The following PPP2R2B variants were observed in gnomAD, a reference collection of about 807,000 sequenced individuals.
PPP2R2B encodes serine/threonine-protein phosphatase 2A 55 kDa regulatory subunit B beta isoform.
PPP2R2B carries 5 observed loss-of-function variants against 46.0 expected under a neutral mutation model. The observed-to-expected ratio is 0.11, with a 90% CI of 0.06 to 0.23. The LOEUF (loss-of-function observed/expected upper bound fraction) is 0.23. PPP2R2B is among the 10% of genes least tolerant of loss of function. PPP2R2B has a pLI of 1.00. For synonymous variants in PPP2R2B, 215 were observed against 206.7 expected (o/e 1.04, Z -0.34); for missense variants, 367 against 575.0 (o/e 0.64, Z 3.70).
chr5:147,015,019 A>T (rs185951852), intron 1 of PPP2R2B, among the ~76,000 whole-genome samples: 58 of 152,254 alleles, frequency 3.8e-4, no homozygotes, highest in African/African-American at 1.3e-3. Flanking sequence ...TCTTGTTCCA[A>T]GGATTTTGGA....
chr5:147,016,177 T>A (rs1561578495), intron 1 of PPP2R2B, among the ~76,000 whole-genome samples: 1 of 151,404 alleles, frequency 6.6e-6, no homozygotes, highest in South Asian at 2.1e-4. Flanking sequence ...TCTACAAAAT[T>A]TTTTTAGAAG....
At chr5:146,736,630 C>T (rs946995243) in intron 2 of PPP2R2B, among the ~76,000 whole-genome samples, 1 of 152,174 alleles carries the variant, frequency 6.6e-6, no homozygotes, top group Admixed American at 6.5e-5. Flanking sequence ...CTTCCCAGCC[C>T]CCAGCACCAC....
Position 146,589,732 on chromosome 5 carries a change from C to G in PPP2R2B, c.*215G>C, listed in dbSNP as rs572004353. The G allele has an allele frequency of 6.7e-5, 36 of 539,344 alleles. No individual in the cohort carries two copies. The highest frequency in any genetic ancestry group is 3.4e-5 in the Admixed American group (1 of 29,566). 33.4% of individuals were successfully genotyped at this position (539,344 alleles called of 1,614,324 possible). On this transcript the variant is annotated 3_prime_UTR_variant, in exon 10 of 10. Transcript: ENST00000394411. ...AGAATTACTGTTAGCTGGCAGCTTTCAATTCTAAACAGAAGTGTCCCAAAC... is the reference window on the plus strand; with the variant it reads ...AGAATTACTGTTAGCTGGCAGCTTTGAATTCTAAACAGAAGTGTCCCAAAC...
At chr5:146,982,927 AAGTG>A (rs1245167779) in intron 1 of PPP2R2B, among the ~76,000 whole-genome samples, 3 of 152,002 alleles carry the variant, frequency 2.0e-5, no homozygotes, top group Admixed American at 2.0e-4. Context: ...CTTATATTTG[AAGTG>A]AGTTTCTTAT....
At chr5:146,969,500 G>A (rs2151847323) in intron 1 of PPP2R2B, among the ~76,000 whole-genome samples, 1 of 152,256 alleles carries the variant, frequency 6.6e-6, no homozygotes, top group South Asian at 2.1e-4. Flanking sequence ...TATAAGTGAG[G>A]GCACCCTGAT....
chr5:146,886,307 C>A (rs1762323132), intron 1 of PPP2R2B, among the ~76,000 whole-genome samples: 1 of 142,780 alleles, frequency 7.0e-6, no homozygotes, highest in East Asian at 2.1e-4. Flanking sequence ...CCACAGCACT[C>A]CAGCCCAGGC....
intron 1 of PPP2R2B, among the ~76,000 whole-genome samples, chr5:147,024,153 CTCTATCTATCTATCTATCTA>C (rs57080635): frequency 6.9e-6 from 1 of 145,542 alleles, no homozygotes; most frequent in East Asian, 2.0e-4. Context: ...AAATCCCCTC[CTCTATCTATCTATCTATCTA>C]TCTATCTATC....
At chr5:146,670,733 C>T (rs536637697) in intron 5 of PPP2R2B, among the ~76,000 whole-genome samples, 3 of 151,992 alleles carry the variant, frequency 2.0e-5, no homozygotes, top group South Asian at 2.1e-4. Flanking sequence ...TGACTTCAAG[C>T]GATCCGCATG....
intron 2 of PPP2R2B, among the ~76,000 whole-genome samples, chr5:147,074,487 A>G (rs917078705): frequency 2.0e-5 from 3 of 152,198 alleles, no homozygotes; most frequent in African/African-American, 7.2e-5. Context: ...AAACATCTAA[A>G]CATCTAAGAA....
At chr5:146,597,968 G>GTC (rs929208644) in intron 8 of PPP2R2B, among the ~76,000 whole-genome samples, 2 of 152,054 alleles carry the variant, frequency 1.3e-5, no homozygotes, top group Admixed American at 6.5e-5. Flanking sequence ...CTCTCTAATG[G>GTC]TCTCTCTCTC....
intron 1 of PPP2R2B, among the ~76,000 whole-genome samples, chr5:147,003,411 A>T (rs1754281300): frequency 6.6e-6 from 1 of 152,146 alleles, no homozygotes; most frequent in South Asian, 2.1e-4. Flanking sequence ...TTTAAAGCAG[A>T]TCAAGGCAGA....
intron 9 of PPP2R2B, among the ~76,000 whole-genome samples, chr5:146,591,288 AG>A: frequency 6.6e-6 from 1 of 152,302 alleles, no homozygotes; most frequent in East Asian, 1.9e-4. Context: ...GGCCACAGCA[AG>A]GGGGATGTGT....
At chr5:146,866,629 C>T (rs1221036588) in intron 2 of PPP2R2B, among the ~76,000 whole-genome samples, 1 of 151,476 alleles carries the variant, frequency 6.6e-6, no homozygotes, top group Admixed American at 6.6e-5. Context: ...CAGATACATA[C>T]ATATATATAC....
intron 4 of PPP2R2B, among the ~76,000 whole-genome samples, chr5:146,692,812 G>A (rs144789294): frequency 0.018 from 2,675 of 152,230 alleles, 41 homozygotes; most frequent in Non-Finnish European, 0.024. Flanking sequence ...GGGATTACAG[G>A]CGGGAGCCAC....
At chr5:146,771,882 T>C (rs1227428484) in intron 2 of PPP2R2B, among the ~76,000 whole-genome samples, 1 of 152,140 alleles carries the variant, frequency 6.6e-6, no homozygotes, top group Admixed American at 6.5e-5. Flanking sequence ...TCTTTTCACT[T>C]GCAGGAGAAG....
At chr5:147,061,862 A>G (rs916982105) in intron 2 of PPP2R2B, among the ~76,000 whole-genome samples, 4 of 152,358 alleles carry the variant, frequency 2.6e-5, no homozygotes, top group African/African-American at 7.2e-5. Context: ...ACCAAATTTT[A>G]TATAGTAACT....
chr5:146,674,002 G>A (rs548290863), intron 5 of PPP2R2B, among the ~76,000 whole-genome samples: 18 of 152,216 alleles, frequency 1.2e-4, no homozygotes, highest in South Asian at 6.2e-4. Context: ...CTGACCATAC[G>A]ACCAAGTTAG....
chr5:146,685,577 A>G (rs948043375), intron 5 of PPP2R2B, among the ~76,000 whole-genome samples: 1 of 152,190 alleles, frequency 6.6e-6, no homozygotes, highest in Non-Finnish European at 1.5e-5. Context: ...CCTTTTAGCA[A>G]TGGTCCTCAG....
At chr5:146,734,821 ATGTTTTGG>A (rs1489875166) in intron 2 of PPP2R2B, among the ~76,000 whole-genome samples, 1 of 152,190 alleles carries the variant, frequency 6.6e-6, no homozygotes, top group African/African-American at 2.4e-5. Flanking sequence ...GATGATACTT[ATGTTTTGG>A]AATTCTATTA....
Sources: allele counts gnomAD v4.1 joint callset (sites outside exome capture counted in the v4.1 genomes callset), GRCh38; gene constraint gnomAD v4.1.1; transcripts MANE v1.5; gene names NCBI Gene and HGNC (gene_info 2026-07-23, HGNC 2026-07-21).